Variants in DNAH11 observed in about 807,000 individuals in gnomAD.
DNAH11 encodes axonemal beta dynein heavy chain 11.
In DNAH11, 442 loss-of-function variants were observed where a neutral mutation model predicts 526.0. The observed-to-expected ratio is 0.84, with a 90% confidence interval of 0.78 to 0.91. The LOEUF (loss-of-function observed/expected upper bound fraction) is 0.91, where lower values mean the gene tolerates loss of function less well. Among genes scored for constraint, DNAH11 ranks in the 40% least tolerant of loss-of-function variants. The pLI is 0.00. For missense variants in DNAH11, 6,989 were observed against 5,448.7 expected (o/e 1.28, Z -8.90); for synonymous variants, 2,461 against 1,935.9 (o/e 1.27, Z -7.12).
At chr7:21,719,271 T>C (rs752451538) in intron 43 of DNAH11, among the ~76,000 whole-genome samples, 9 of 152,248 alleles carry the variant, frequency 5.9e-5, no homozygotes, top group Non-Finnish European at 1.3e-4. Context: ...TATAAGAAGA[T>C]AGTGACCTGA....
chr7:21,755,479 T>G (rs1786588973), intron 54 of DNAH11, among the ~76,000 whole-genome samples: 1 of 152,178 alleles, frequency 6.6e-6, no homozygotes, highest in African/African-American at 2.4e-5. Flanking sequence ...CCCAAGATTT[T>G]AGATATTTGC....
At chr7:21,725,695 G>A in intron 44 of DNAH11, 116 bp from the exon 45 acceptor site, 1 of 973,064 alleles carries the variant, frequency 1.0e-6, no homozygotes, top group Non-Finnish European at 1.5e-6. Context: ...GTGCTTGATG[G>A]GTATATGGCA....
At chr7:21,584,345 G>T (rs1562679251) in intron 9 of DNAH11, among the ~76,000 whole-genome samples, 1 of 152,056 alleles carries the variant, frequency 6.6e-6, no homozygotes, top group Non-Finnish European at 1.5e-5. Flanking sequence ...ACCAAACACT[G>T]CATGTTCTCA....
At chr7:21,722,464 C>G (rs1784917281) in intron 44 of DNAH11, among the ~76,000 whole-genome samples, 1 of 152,236 alleles carries the variant, frequency 6.6e-6, no homozygotes, top group East Asian at 1.9e-4. Flanking sequence ...CCAAGAGTGA[C>G]CTATATTTCT....
intron 8 of DNAH11, among the ~76,000 whole-genome samples, chr7:21,574,730 A>G (rs2128438333): frequency 6.7e-6 from 1 of 150,212 alleles, no homozygotes; most frequent in South Asian, 2.1e-4. Flanking sequence ...CGCCCAGGTA[A>G]TTTTTTTGTA....
intron 63 of DNAH11, among the ~76,000 whole-genome samples, chr7:21,810,141 G>A (rs1789449182): frequency 6.6e-6 from 1 of 152,132 alleles, no homozygotes; most frequent in Non-Finnish European, 1.5e-5. Context: ...TAAGTATAAA[G>A]TAGCTTACCC....
At chr7:21,735,493 G>A (rs186560482) in intron 45 of DNAH11, 147 bp from the exon 46 acceptor site, 17 of 687,086 alleles carry the variant, frequency 2.5e-5, no homozygotes, top group African/African-American at 2.2e-4. Flanking sequence ...AATCTCTCCT[G>A]TTGGGTGCTA....
intron 46 of DNAH11, among the ~76,000 whole-genome samples, chr7:21,738,279 T>A (rs886379507): frequency 1.3e-5 from 2 of 152,200 alleles, no homozygotes; most frequent in African/African-American, 4.8e-5. Flanking sequence ...AAGACAGGTA[T>A]GGGAGACTTT....
chr7:21,899,409 T>G lies in DNAH11; in HGVS notation c.13123T>G (p.Trp4375Gly). ...AGACCTTACCCTTCCGGCTGTCGTG[T>G]GGCTCTCCGGCTTCTTCAACCCTCA... ...TQDLTLPAVVWLSGFFNPQSF... is the reference protein window; with the variant it reads ...TQDLTLPAVVGLSGFFNPQSF... The change falls in exon 80 of 82, where the codon TGG becomes GGG. Residue 4375 changes from tryptophan to glycine, a missense_variant. Coordinates refer to ENST00000409508, the MANE Select transcript of DNAH11 (RefSeq NM_001277115.2). The G allele has an allele frequency of 6.2e-7, 1 of 1,613,960 alleles. No individual in the cohort carries two copies. Among genetic ancestry groups the G allele is most frequent in the Non-Finnish European group, 8.5e-7 (1 of 1,179,832 alleles).
At chr7:21,714,243 G>C (rs1249443011) in intron 42 of DNAH11, among the ~76,000 whole-genome samples, 1 of 152,230 alleles carries the variant, frequency 6.6e-6, no homozygotes, top group Non-Finnish European at 1.5e-5. Context: ...AAACAACTCT[G>C]TCTTCACCAT....
intron 40 of DNAH11, among the ~76,000 whole-genome samples, chr7:21,708,227 T>C (rs1431969215): frequency 6.6e-6 from 1 of 151,970 alleles, no homozygotes; most frequent in Non-Finnish European, 1.5e-5. Context: ...GCCCTGAGAG[T>C]ATTTGTAAGC....
At chr7:21,881,304 A>T (rs950925146) in intron 75 of DNAH11, among the ~76,000 whole-genome samples, 1 of 152,228 alleles carries the variant, frequency 6.6e-6, no homozygotes, top group Non-Finnish European at 1.5e-5. Flanking sequence ...TGATGGAAGC[A>T]ATTTACAGCG....
intron 76 of DNAH11, among the ~76,000 whole-genome samples, chr7:21,888,906 C>T (rs1048017844): frequency 6.6e-6 from 1 of 152,062 alleles, no homozygotes; most frequent in Non-Finnish European, 1.5e-5. Context: ...ATAATTTGCA[C>T]ACTGTAACAT....
At position 21,783,429 on chromosome 7, in the gene DNAH11, G is replaced by A. The variant is rs188493030; in HGVS notation, c.9484-998G>A. ...TTAATTTTATGGTATAGTTAAACCTGTTCATTTCAAATACATCTGAAGAAA... is the reference window on the plus strand; with the variant it reads ...TTAATTTTATGGTATAGTTAAACCTATTCATTTCAAATACATCTGAAGAAA... On this transcript the variant is annotated intron_variant, in intron 57 of 81. Coordinates refer to ENST00000409508, the MANE Select transcript of DNAH11 (RefSeq NM_001277115.2). Among the ~76,000 whole-genome samples the A allele has an allele frequency of 4.3e-3, 656 of 152,304 alleles. 2 individuals carry two copies. The highest frequency in any genetic ancestry group is 6.3e-3 in the Non-Finnish European group (428 of 68,024).
chr7:21,863,568 T>A (rs1310885572), intron 69 of DNAH11, among the ~76,000 whole-genome samples: 1 of 152,174 alleles, frequency 6.6e-6, no homozygotes, highest in Non-Finnish European at 1.5e-5. Context: ...CCTCATGATC[T>A]GCCCGCCTCT....
intron 54 of DNAH11, among the ~76,000 whole-genome samples, chr7:21,761,320 A>G (rs1786894252): frequency 6.6e-6 from 1 of 152,214 alleles, no homozygotes; most frequent in South Asian, 2.1e-4. Flanking sequence ...AGAATTACTA[A>G]TGAACAAGTA....
chr7:21,868,732 T>A (rs1211512709), intron 72 of DNAH11, 132 bp from the exon 73 acceptor site: 1 of 1,175,360 alleles, frequency 8.5e-7, no homozygotes, highest in Non-Finnish European at 1.2e-6. Context: ...AGAAGTTTCT[T>A]TGGGATTCTT....
intron 28 of DNAH11, among the ~76,000 whole-genome samples, chr7:21,649,246 T>C (rs1323266892): frequency 6.6e-6 from 1 of 152,212 alleles, no homozygotes; most frequent in Non-Finnish European, 1.5e-5. Context: ...ATTTTCTAAA[T>C]AGGAATATAT....
chr7:21,821,549 AAAC>A (rs1790051241), intron 65 of DNAH11, among the ~76,000 whole-genome samples: 2 of 152,244 alleles, frequency 1.3e-5, no homozygotes, highest in Admixed American at 1.3e-4. Context: ...CTAGTTTCTT[AAAC>A]AGGTTTTTCT....
Sources: gnomAD v4.1 joint callset for allele counts (sites outside exome capture counted in the v4.1 genomes callset) on GRCh38, gnomAD v4.1.1 for gene constraint, MANE v1.5 for transcripts, NCBI Gene and HGNC (gene_info 2026-07-23, HGNC 2026-07-21) for gene names.